The following ATP8A2 variants were observed in gnomAD, a reference collection of about 807,000 sequenced individuals.
The protein encoded by ATP8A2 is ATPase phospholipid transporting 8A2, also known as phospholipid-transporting ATPase IB.
In ATP8A2, 100 loss-of-function variants were observed where a neutral mutation model predicts 165.6. The observed-to-expected ratio is 0.60, with a 90% CI of 0.51 to 0.71. The LOEUF is 0.71. ATP8A2 is among the 30% of genes least tolerant of loss of function. The pLI is 0.00. For missense variants in ATP8A2, 1,227 were observed against 1,479.5 expected (o/e 0.83, Z 2.80); for synonymous variants, 543 against 548.8 (o/e 0.99, Z 0.15).
intron 24 of ATP8A2, among the ~76,000 whole-genome samples, chr13:25,649,363 G>A (rs1262014216): frequency 6.6e-6 from 1 of 152,142 alleles, no homozygotes; most frequent in Admixed American, 6.6e-5. Context: ...AGGCCAGGGT[G>A]TGTTCTCTGC....
intron 1 of ATP8A2, among the ~76,000 whole-genome samples, chr13:25,386,193 G>A (rs1048860486): frequency 6.6e-6 from 1 of 151,908 alleles, no homozygotes; most frequent in Non-Finnish European, 1.5e-5. Context: ...TGGGATTACA[G>A]GTGTGAGCCA....
Position 25,392,032 on chromosome 13 carries a change from T to C in ATP8A2, c.76+19744T>C, listed in dbSNP as rs533769486. ...CAATTTGTCGCTGGGTCTGCTTGTT[T>C]AGTGCTGAGCTGGTGCAATGTGATA... On this transcript the variant is annotated intron_variant, in intron 1 of 36. Transcript: ENST00000381655. Among the ~76,000 whole-genome samples, 33 of 152,336 alleles carry C rather than the reference T, an allele frequency of 2.2e-4. 1 individual carries two copies. The highest frequency in any genetic ancestry group is 7.0e-4 in the African/African-American group (29 of 41,578).
At chr13:25,644,030 G>C (rs889198749) in intron 24 of ATP8A2, among the ~76,000 whole-genome samples, 2 of 151,028 alleles carry the variant, frequency 1.3e-5, no homozygotes, top group African/African-American at 2.4e-5. Context: ...TTTTTCTCTT[G>C]ATTTCTTTTT....
chr13:25,780,471 A>G (rs1360382678), intron 27 of ATP8A2, among the ~76,000 whole-genome samples: 2 of 152,206 alleles, frequency 1.3e-5, no homozygotes, highest in Non-Finnish European at 2.9e-5. Context: ...CTATCACTGA[A>G]ATAGAAATAG....
chr13:25,817,640 A>G (rs983253266), intron 27 of ATP8A2, among the ~76,000 whole-genome samples: 2 of 151,336 alleles, frequency 1.3e-5, no homozygotes, highest in Non-Finnish European at 3.0e-5. Flanking sequence ...TCTATTTTAT[A>G]CTCTCAAGAT....
rs1019317832 is a variant in ATP8A2, at chr13:25,555,458, C to T, written c.1263+390C>T. Among the ~76,000 whole-genome samples the T allele has an allele frequency of 6.6e-4, 101 of 152,120 alleles. 1 individual carries two copies. Among genetic ancestry groups the T allele is most frequent in the African/African-American group, 2.4e-3 (100 of 41,410 alleles). ...GCCAATTTAAAGGACATGCATTTCT[C>T]GCATGTTCCGAATTTTGTCTCTGGA... is the stretch of plus-strand genomic sequence containing the variant. On this transcript the variant is annotated intron_variant, in intron 13 of 36. Transcript: ENST00000381655.
chr13:25,813,335 A>C (rs1950924368), intron 27 of ATP8A2, among the ~76,000 whole-genome samples: 1 of 151,970 alleles, frequency 6.6e-6, no homozygotes, highest in Non-Finnish European at 1.5e-5. Flanking sequence ...GACATCAAGG[A>C]GTTCACAGTC....
At chr13:25,897,739 T>C (rs576737171) in intron 33 of ATP8A2, among the ~76,000 whole-genome samples, 1 of 152,342 alleles carries the variant, frequency 6.6e-6, no homozygotes, top group South Asian at 2.1e-4. Flanking sequence ...CGTTTCTTTT[T>C]ATTCTTTTTT....
Position 25,968,679 on chromosome 13 carries a change from G to T in ATP8A2, c.3377G>T (p.Arg1126Met). ...GTGCTGCGGGATAGCAATGGAAAGA[G>T]GTGGGGAACTCCGTCCCAGTCCGCA... ...KAVLRDSNGK[R>M]LNERDRLIKR... Residue 1126 changes from arginine (R) to methionine (M), a missense_variant and splice_region_variant, in exon 35 of 37, where the codon AGG becomes ATG. Arg to Met is a moderately conservative substitution (Grantham distance 91, BLOSUM62 -1). Transcript: ENST00000381655. 1 of 1,611,882 alleles carries T rather than the reference G, an allele frequency of 6.2e-7. No homozygotes were observed. Among genetic ancestry groups the T allele is most frequent in the Non-Finnish European group, 8.5e-7 (1 of 1,178,842 alleles).
intron 1 of ATP8A2, among the ~76,000 whole-genome samples, chr13:25,434,723 C>T (rs902367137): frequency 1.3e-5 from 2 of 152,144 alleles, no homozygotes; most frequent in Non-Finnish European, 2.9e-5. Context: ...TCCCGTGTTC[C>T]CCAGCACCCA....
chr13:25,536,038 T>C (rs2038270470), intron 6 of ATP8A2, among the ~76,000 whole-genome samples: 8 of 151,090 alleles, frequency 5.3e-5, no homozygotes, highest in Admixed American at 2.6e-4. Context: ...TTTTCTTGTC[T>C]AGTGGTTTTT....
chr13:25,826,686 T>C (rs762440442), intron 27 of ATP8A2, among the ~76,000 whole-genome samples: 7 of 152,252 alleles, frequency 4.6e-5, no homozygotes, highest in Non-Finnish European at 8.8e-5. Context: ...ACAGATAACG[T>C]TGATTCTATG....
chr13:25,861,055 G>A (rs1449048537), intron 32 of ATP8A2, among the ~76,000 whole-genome samples, 195 bp downstream of exon 32: 4 of 152,082 alleles, frequency 2.6e-5, no homozygotes, highest in South Asian at 2.1e-4. Context: ...TGCTTGGCAC[G>A]TAATACAGCT....
At chr13:25,437,467 A>T (rs2034812660) in intron 1 of ATP8A2, among the ~76,000 whole-genome samples, 3 of 152,134 alleles carry the variant, frequency 2.0e-5, no homozygotes, top group African/African-American at 7.2e-5. Context: ...TCCTCCAGGG[A>T]TATGTTCTTG....
At chr13:25,617,891 A>G (rs1371297020) in intron 24 of ATP8A2, among the ~76,000 whole-genome samples, 3 of 152,152 alleles carry the variant, frequency 2.0e-5, no homozygotes, top group African/African-American at 7.2e-5. Flanking sequence ...GACAATATAG[A>G]AATTAATTAT....
At chr13:25,655,625 AGCT>A (rs1483430788) in intron 24 of ATP8A2, among the ~76,000 whole-genome samples, 2 of 152,126 alleles carry the variant, frequency 1.3e-5, no homozygotes, top group Non-Finnish European at 1.5e-5. Context: ...ATGGTCGAGC[AGCT>A]ATCTGATGCC....
chr13:25,577,136 G>A lies in ATP8A2; in HGVS notation c.1780G>A (p.Ala594Thr). Residue 594 changes from alanine (A) to threonine (T), a missense_variant and splice_region_variant, in exon 20 of 37, where the codon GCT becomes ACT. Ala to Thr is a moderately conservative substitution (Grantham distance 58). Coordinates refer to ENST00000381655, the MANE Select transcript of ATP8A2 (RefSeq NM_016529.6). ...SGRLRLYCKG[A>T]DNVIFERLSK... ...ACGACTTCGGCTTTACTGTAAAGGG[G>A]CTGTAAGTACCGGAGAAGCGTTGTG... 1.2e-6 allele frequency: 2 copies of A among 1,613,684 alleles called. No homozygotes were observed. The highest frequency in any genetic ancestry group is 1.7e-6 in the Non-Finnish European group (2 of 1,179,606).
intron 28 of ATP8A2, among the ~76,000 whole-genome samples, chr13:25,836,406 C>T (rs1027927111): frequency 6.6e-5 from 10 of 152,176 alleles, no homozygotes; most frequent in Admixed American, 1.3e-4. Flanking sequence ...TCTCATGGGA[C>T]TCCTTCCTCG....
At chr13:25,633,516 A>C (rs1467219244) in intron 24 of ATP8A2, among the ~76,000 whole-genome samples, 1 of 152,194 alleles carries the variant, frequency 6.6e-6, no homozygotes, top group Non-Finnish European at 1.5e-5. Context: ...GTGGGCATTA[A>C]AATTAATTTA....
Sources: gnomAD v4.1 joint callset for allele counts (sites outside exome capture counted in the v4.1 genomes callset) on GRCh38, gnomAD v4.1.1 for gene constraint, MANE v1.5 for transcripts, NCBI Gene and HGNC (gene_info 2026-07-23, HGNC 2026-07-21) for gene names.